MSRA: variants seen among roughly 807,000 people sequenced by gnomAD.
The protein encoded by MSRA is methionine sulfoxide reductase A, also known as mitochondrial peptide methionine sulfoxide reductase.
Under a neutral mutation model 31.3 loss-of-function variants are expected in MSRA, and 54 were observed. The observed-to-expected ratio is 1.73, with a 90% confidence interval of 1.39 to 2.17. MSRA has a LOEUF of 2.17. Ranked by LOEUF, MSRA falls within the 30% of genes most tolerant of loss-of-function variation. The pLI, the probability that MSRA is intolerant of heterozygous loss-of-function variation, is 0.00. For missense variants in MSRA, 507 were observed against 300.9 expected, an observed-to-expected ratio of 1.69 and a Z score of -5.07; for synonymous variants, 169 against 116.5, an observed-to-expected ratio of 1.45 and a Z score of -2.90.
At chr8:10,189,532 T>C (rs1480574770) in intron 1 of MSRA, among the ~76,000 whole-genome samples, 4 of 152,200 alleles carry the variant, frequency 2.6e-5, no homozygotes, top group Non-Finnish European at 4.4e-5. Context: ...AAAAAAAGTT[T>C]TTTAAACACA....
chr8:10,364,868 C>T (rs6601448), intron 5 of MSRA, among the ~76,000 whole-genome samples: 8,936 of 152,186 alleles, frequency 0.059, 543 homozygotes, highest in Middle Eastern at 0.15. Context: ...ATTTCATGTG[C>T]GTGGGTCTTT....
chr8:10,201,490 A>G (rs1808498647), intron 1 of MSRA, among the ~76,000 whole-genome samples: 2 of 151,708 alleles, frequency 1.3e-5, no homozygotes, highest in South Asian at 2.1e-4. Flanking sequence ...TGCTTTCCCC[A>G]CCCTCCTTAC....
intron 5 of MSRA, among the ~76,000 whole-genome samples, chr8:10,364,540 A>G (rs1036032868): frequency 5.3e-5 from 8 of 152,216 alleles, no homozygotes; most frequent in Non-Finnish European, 8.8e-5. Flanking sequence ...GAAATGAAAA[A>G]TAGCCTAATT....
chr8:10,358,857 G>T (rs1243960913), intron 5 of MSRA, among the ~76,000 whole-genome samples: 1 of 149,080 alleles, frequency 6.7e-6, no homozygotes, highest in East Asian at 1.9e-4. Flanking sequence ...CTCCCAAAGT[G>T]CTGGGATTAC....
At chr8:10,063,374 C>T (rs751653821) in intron 1 of MSRA, among the ~76,000 whole-genome samples, 3 of 152,330 alleles carry the variant, frequency 2.0e-5, no homozygotes, top group East Asian at 1.9e-4. Context: ...GGAACAGCAG[C>T]GACTTGGACC....
intron 3 of MSRA, among the ~76,000 whole-genome samples, chr8:10,258,877 C>T (rs769693652): frequency 2.6e-5 from 4 of 152,136 alleles, no homozygotes; most frequent in Non-Finnish European, 2.9e-5. Flanking sequence ...GAGGCCAAGG[C>T]GGGCAGATCG....
chr8:10,097,060 C>T (rs1376850788), intron 1 of MSRA, among the ~76,000 whole-genome samples: 3 of 152,014 alleles, frequency 2.0e-5, no homozygotes, highest in African/African-American at 7.2e-5. Flanking sequence ...ACAATAAAAA[C>T]CTGTCTATAG....
rs903969061 is a variant in MSRA at position 10,170,310 on chromosome 8, G to A, written c.143-37523G>A. Among the ~76,000 whole-genome samples, 9 of 152,258 alleles carry A rather than the reference G, an allele frequency of 5.9e-5. No homozygotes were observed. The East Asian group carries it at 1.7e-3, about 29-fold the overall frequency. The stretch of plus-strand genomic sequence containing the variant: ...GAGATGATTAAGTCATAAGGGTGGA[G>A]CCCTTAGGCATGGAGTTAGTGCTCT... On this transcript the variant is annotated intron_variant, in intron 1 of 5. Coordinates refer to ENST00000317173, the MANE Select transcript of MSRA (RefSeq NM_012331.5).
intron 2 of MSRA, among the ~76,000 whole-genome samples, chr8:10,228,170 T>C (rs941370352): frequency 2.0e-5 from 3 of 152,078 alleles, no homozygotes; most frequent in Non-Finnish European, 2.9e-5. Flanking sequence ...ATATTTCTGG[T>C]CTCTGCCTAT....
intron 1 of MSRA, among the ~76,000 whole-genome samples, chr8:10,166,134 G>A (rs901752603): frequency 1.3e-5 from 2 of 152,196 alleles, no homozygotes; most frequent in African/African-American, 2.4e-5. Flanking sequence ...TCACTCTGGA[G>A]AGCCAGGGCA....
At chr8:10,210,137 A>C (rs556959543) in intron 2 of MSRA, among the ~76,000 whole-genome samples, 2 of 152,250 alleles carry the variant, frequency 1.3e-5, no homozygotes, top group African/African-American at 4.8e-5. Context: ...GGAAAGGTCA[A>C]CTCAGCACAG....
At chr8:10,288,516 A>G (rs1383611544) in intron 3 of MSRA, among the ~76,000 whole-genome samples, 2 of 152,174 alleles carry the variant, frequency 1.3e-5, no homozygotes, top group African/African-American at 4.8e-5. Flanking sequence ...GCATGCTTTT[A>G]AGATAAAGCT....
At chr8:10,317,046 C>G (rs188178407) in intron 4 of MSRA, among the ~76,000 whole-genome samples, 36 of 152,258 alleles carry the variant, frequency 2.4e-4, no homozygotes, top group African/African-American at 8.7e-4. Context: ...TAGCAGCAGT[C>G]TATAGAAGAG....
chr8:10,293,336 C>T (rs1347580766), intron 3 of MSRA, among the ~76,000 whole-genome samples: 4 of 152,224 alleles, frequency 2.6e-5, no homozygotes, highest in African/African-American at 9.6e-5. Flanking sequence ...TGAGCTACTG[C>T]TTCCATTTGG....
chr8:10,317,582 C>G (rs1353579377), intron 4 of MSRA, among the ~76,000 whole-genome samples: 2 of 152,096 alleles, frequency 1.3e-5, no homozygotes, highest in East Asian at 1.9e-4. Context: ...CAAGAATGCC[C>G]CAAAGCCCAG....
chr8:10,331,592 A>T lies in MSRA; in HGVS notation c.543+11603A>T, dbSNP rs770737950. 2.6e-5 allele frequency among the ~76,000 whole-genome samples: 4 copies of T among 152,170 alleles called. 1 individual carries two copies. Among genetic ancestry groups the T allele is most frequent in the Admixed American group, 6.5e-5 (1 of 15,276 alleles). ...CTAGAGTCATTTGACACTGAATTCC[A>T]TAAGCTTTTCACCCATGCTGTGTGG... On this transcript the variant is annotated intron_variant, in intron 5 of 5. Coordinates refer to ENST00000317173, the MANE Select transcript of MSRA (RefSeq NM_012331.5).
intron 3 of MSRA, among the ~76,000 whole-genome samples, chr8:10,275,638 G>T (rs1026107528): frequency 1.3e-5 from 2 of 152,174 alleles, no homozygotes; most frequent in African/African-American, 4.8e-5. Context: ...CTGAGTCTGT[G>T]CCCTTCACCA....
At chr8:10,166,417 C>T (rs1210149990) in intron 1 of MSRA, among the ~76,000 whole-genome samples, 2 of 151,982 alleles carry the variant, frequency 1.3e-5, no homozygotes, top group Non-Finnish European at 2.9e-5. Flanking sequence ...TATGTGTTTG[C>T]ATATGTCTGT....
At chr8:10,162,006 C>T (rs1265928423) in intron 1 of MSRA, among the ~76,000 whole-genome samples, 4 of 152,164 alleles carry the variant, frequency 2.6e-5, no homozygotes, top group African/African-American at 4.8e-5. Flanking sequence ...AGCAGGTGCC[C>T]ACAGGACGCC....
Sources: gnomAD v4.1 joint callset for allele counts (sites outside exome capture counted in the v4.1 genomes callset) on GRCh38, gnomAD v4.1.1 for gene constraint, MANE v1.5 for transcripts, NCBI Gene and HGNC (gene_info 2026-07-23, HGNC 2026-07-21) for gene names.